Variants in DNMBP observed in about 807,000 individuals in gnomAD.
The protein encoded by DNMBP is dynamin binding protein.
Under a neutral mutation model 150.0 loss-of-function variants are expected in DNMBP, and 87 were observed. The ratio of observed to expected loss-of-function variants is 0.58; its 90% CI spans 0.49 to 0.69. The LOEUF (loss-of-function observed/expected upper bound fraction) is 0.69. Ranked by LOEUF, DNMBP falls within the 30% of genes least tolerant of loss-of-function variation. The probability of loss-of-function intolerance (pLI) is 0.00; values close to 1 mark genes in which losing one functional copy is unlikely to be tolerated. For synonymous variants in DNMBP, 711 were observed against 750.4 expected (o/e 0.95, Z 0.86); for missense variants, 1,774 against 1,949.0 (o/e 0.91, Z 1.69).
At chr10:99,999,253 G>A (rs1019357953) in intron 1 of DNMBP, among the ~76,000 whole-genome samples, 4 of 152,218 alleles carry the variant, frequency 2.6e-5, no homozygotes, top group Non-Finnish European at 5.9e-5. Context: ...TTGAGAGCAC[G>A]GGCTTTGGAG....
intron 1 of DNMBP, among the ~76,000 whole-genome samples, chr10:100,006,855 T>C (rs2041077398): frequency 6.6e-6 from 1 of 152,152 alleles, no homozygotes; most frequent in Non-Finnish European, 1.5e-5. Context: ...GGCCCATGCC[T>C]GTAATCCCAG....
intron 4 of DNMBP, among the ~76,000 whole-genome samples, chr10:99,929,322 G>C (rs955258532): frequency 6.6e-6 from 1 of 151,636 alleles, no homozygotes; most frequent in Admixed American, 6.6e-5. Flanking sequence ...AGAAAGGAAA[G>C]ATACTTGAGA....
At position 99,998,216 on chromosome 10, in the gene DNMBP, A is replaced by G. The variant is rs1448669910; in HGVS notation, c.-11+11622T>C. Among the ~76,000 whole-genome samples, 20 of 147,266 alleles carry G rather than the reference A, an allele frequency of 1.4e-4. No individual in the cohort carries two copies. In the Admixed American group the frequency reaches 1.4e-3, roughly 10 times the overall value. On this transcript the variant is annotated intron_variant, in intron 1 of 16. Coordinates refer to ENST00000324109, the MANE Select transcript of DNMBP (RefSeq NM_015221.4). ...CGCCACTGTACTCCAGCCTGGTGACAGAGCAAGACTCCGTCTCAAAAAAAA... is the reference window on the plus strand; with the variant it reads ...CGCCACTGTACTCCAGCCTGGTGACGGAGCAAGACTCCGTCTCAAAAAAAA...
At chr10:99,920,367 G>A (rs542177555) in intron 4 of DNMBP, among the ~76,000 whole-genome samples, 15 of 152,182 alleles carry the variant, frequency 9.9e-5, no homozygotes, top group Admixed American at 6.5e-4. Context: ...GAGCCACCGC[G>A]CCCAGCCCTA....
chr10:99,991,697 G>A (rs912335093), intron 1 of DNMBP, among the ~76,000 whole-genome samples: 11 of 151,900 alleles, frequency 7.2e-5, no homozygotes, highest in Non-Finnish European at 1.6e-4. Flanking sequence ...ACAAGGTCAG[G>A]AGATCGAGAC....
chr10:99,879,691 G>T, intron 16 of DNMBP, 120 bp downstream of exon 16: 1 of 1,485,168 alleles, frequency 6.7e-7, no homozygotes, highest in Non-Finnish European at 9.0e-7. Flanking sequence ...AGGTGTGTCT[G>T]TGAGCTCATC....
rs2040472432 is a variant in DNMBP, at chr10:99,955,355, T to G, written c.2119A>C (p.Met707Leu). The G allele has an allele frequency of 1.9e-6, 3 of 1,614,166 alleles. No homozygotes were observed. In the South Asian group the frequency reaches 3.3e-5, roughly 18 times the overall value. The stretch of plus-strand genomic sequence containing the variant: ...AGCTCTTCTTGAGCTCTACTGTACA[T>G]ATCCAAGTCCCGCTCCATTTCCTCA... ...RIEEMERDLDMYSRAQEELNL... is the reference protein window; with the variant it reads ...RIEEMERDLDLYSRAQEELNL... Residue 707 changes from methionine (M) to leucine (L), a missense_variant, in exon 4 of 17, where the codon ATG becomes CTG. By Grantham distance (15) the Met-to-Leu change is conservative (BLOSUM62 2). Coordinates refer to ENST00000324109, the MANE Select transcript of DNMBP (RefSeq NM_015221.4).
chr10:100,002,726 G>A (rs540505483), intron 1 of DNMBP, among the ~76,000 whole-genome samples: 61 of 152,036 alleles, frequency 4.0e-4, no homozygotes, highest in Admixed American at 2.1e-3. Context: ...TTGAAACAAA[G>A]TCAGCATAGG....
chr10:99,960,790 G>A (rs546663200), intron 3 of DNMBP, among the ~76,000 whole-genome samples: 23 of 152,034 alleles, frequency 1.5e-4, no homozygotes, highest in Middle Eastern at 6.8e-3. Flanking sequence ...TGTGTGACGA[G>A]AGCAAAACTC....
chr10:99,888,168 C>T (rs2039499058), intron 12 of DNMBP, among the ~76,000 whole-genome samples: 1 of 151,444 alleles, frequency 6.6e-6, no homozygotes, highest in South Asian at 2.1e-4. Context: ...AACATATTAA[C>T]TATATTCCTA....
At chr10:99,910,661 A>G (rs1375381905) in intron 4 of DNMBP, among the ~76,000 whole-genome samples, 2 of 152,228 alleles carry the variant, frequency 1.3e-5, no homozygotes, top group Non-Finnish European at 2.9e-5. Context: ...TGGGGCAGAG[A>G]AGGTATAGCT....
At position 99,877,101 on chromosome 10, in the gene DNMBP, C is replaced by CATTAAAAAAG; in HGVS notation, c.*49_*50insCTTTTTTAAT. ...CCTCTCGGTGGGCCGCCAGAACCCT[C>CATTAAAAAAG]GGCGGACTGAAAGCAAAGGCAGCAA... is the stretch of plus-strand genomic sequence containing the variant. On this transcript the variant is annotated 3_prime_UTR_variant, in exon 17 of 17. Coordinates refer to ENST00000324109, the MANE Select transcript of DNMBP (RefSeq NM_015221.4). 7.2e-7 allele frequency: 1 copy of CATTAAAAAAG among 1,397,898 alleles called. No homozygotes were observed. The highest frequency in any genetic ancestry group is 2.3e-5 in the Admixed American group (1 of 42,976). 86.6% of individuals were successfully genotyped at this position (1,397,898 alleles called of 1,614,324 possible).
At chr10:99,921,612 G>C (rs890217408) in intron 4 of DNMBP, among the ~76,000 whole-genome samples, 7 of 147,638 alleles carry the variant, frequency 4.7e-5, no homozygotes, top group Non-Finnish European at 7.6e-5. Flanking sequence ...TCAGCACTTC[G>C]GGAGGCTGAG....
intron 12 of DNMBP, among the ~76,000 whole-genome samples, chr10:99,887,662 T>C (rs912525787): frequency 6.6e-6 from 1 of 152,158 alleles, no homozygotes; most frequent in Admixed American, 6.6e-5. Context: ...AATGTACAAT[T>C]AGAACACCTG....
At chr10:100,005,931 G>T (rs1055020537) in intron 1 of DNMBP, among the ~76,000 whole-genome samples, 1 of 152,190 alleles carries the variant, frequency 6.6e-6, no homozygotes, top group African/African-American at 2.4e-5. Context: ...GACATGAGAT[G>T]AATGGGACAA....
intron 4 of DNMBP, among the ~76,000 whole-genome samples, chr10:99,920,836 C>T (rs1368416539): frequency 2.0e-5 from 3 of 152,250 alleles, no homozygotes; most frequent in Non-Finnish European, 2.9e-5. Context: ...CAAGCCACCA[C>T]GCCCAGTTAT....
chr10:99,969,636 T>C (rs1252146206), intron 2 of DNMBP, among the ~76,000 whole-genome samples: 1 of 152,128 alleles, frequency 6.6e-6, no homozygotes, highest in Non-Finnish European at 1.5e-5. Context: ...AAAAGGTAGG[T>C]AATAGGTCAG....
At chr10:99,967,645 G>A (rs1434718800) in intron 3 of DNMBP, among the ~76,000 whole-genome samples, 1 of 151,716 alleles carries the variant, frequency 6.6e-6, no homozygotes, top group Non-Finnish European at 1.5e-5. Flanking sequence ...CTAAGGGTTA[G>A]AGAAGTTTGA....
chr10:99,879,464 AAAAT>A (rs1251619605), intron 16 of DNMBP, among the ~76,000 whole-genome samples: 2 of 152,326 alleles, frequency 1.3e-5, no homozygotes, highest in Admixed American at 1.3e-4. Context: ...CCTCAAAAAA[AAAAT>A]AAAGTATGGT....
Sources: allele counts gnomAD v4.1 joint callset (sites outside exome capture counted in the v4.1 genomes callset), GRCh38; gene constraint gnomAD v4.1.1; transcripts MANE v1.5; gene names NCBI Gene and HGNC (gene_info 2026-07-23, HGNC 2026-07-21).